The following TRIM24 variants were observed in gnomAD, a reference collection of about 807,000 sequenced individuals.
TRIM24 encodes the protein tripartite motif containing 24.
A neutral mutation model predicts 123.9 loss-of-function variants in TRIM24; 29 were observed. That is an observed-to-expected ratio of 0.23 (90% CI 0.17 to 0.32). TRIM24 has a LOEUF of 0.32. TRIM24 is among the 10% of genes least tolerant of loss of function. The pLI, the probability that TRIM24 is intolerant of heterozygous loss-of-function variation, is 1.00. For synonymous variants in TRIM24, 456 were observed against 461.1 expected (o/e 0.99, Z 0.14); for missense variants, 932 against 1,295.3 (o/e 0.72, Z 4.31).
intron 4 of TRIM24, among the ~76,000 whole-genome samples, chr7:138,524,730 A>C (rs1343819146): frequency 6.6e-6 from 1 of 152,132 alleles, no homozygotes; most frequent in Non-Finnish European, 1.5e-5. Flanking sequence ...AACTTTTTAA[A>C]GTGCTGTATC....
chr7:138,552,821 T>A (rs976813068), intron 8 of TRIM24, among the ~76,000 whole-genome samples: 2 of 152,172 alleles, frequency 1.3e-5, no homozygotes, highest in Admixed American at 1.3e-4. Context: ...TATTACACAC[T>A]CATTTTACCA....
intron 1 of TRIM24, among the ~76,000 whole-genome samples, chr7:138,476,736 T>A (rs1795410450): frequency 6.6e-6 from 1 of 152,182 alleles, no homozygotes; most frequent in South Asian, 2.1e-4. Flanking sequence ...GAAGGGAATT[T>A]GGTAATATCT....
chr7:138,542,336 T>C (rs1797021387), intron 7 of TRIM24, among the ~76,000 whole-genome samples: 1 of 152,206 alleles, frequency 6.6e-6, no homozygotes, highest in South Asian at 2.1e-4. Context: ...TGTAGGGTTA[T>C]TAAATTGTTG....
In TRIM24 at chr7:138,551,073, G is replaced by T; in HGVS notation, c.1154G>T (p.Arg385Leu). 1 of 1,613,134 alleles carries T rather than the reference G, an allele frequency of 6.2e-7. No homozygotes were observed. ...LLYSKRLITY[R>L]LRHLLRARCD... Reference sequence around the variant, plus strand: ...TCCTTTTTCTTCTAGATTACATACCGGTTACGGCACCTCCTTCGTGCAAGG... The same window carrying T: ...TCCTTTTTCTTCTAGATTACATACCTGTTACGGCACCTCCTTCGTGCAAGG... Residue 385 changes from arginine (R) to leucine (L), a missense_variant, in exon 8 of 19, where the codon CGG becomes CTG. By Grantham distance (102) the Arg-to-Leu change is moderately radical (BLOSUM62 -2). Coordinates refer to ENST00000343526, the MANE Select transcript of TRIM24 (RefSeq NM_015905.3).
chr7:138,483,495 C>A (rs1795576487), intron 1 of TRIM24, among the ~76,000 whole-genome samples: 1 of 152,156 alleles, frequency 6.6e-6, no homozygotes, highest in Non-Finnish European at 1.5e-5. Flanking sequence ...AACATTACAC[C>A]ATTAAATAGG....
chr7:138,479,045 A>G (rs1795468188), intron 1 of TRIM24, among the ~76,000 whole-genome samples: 1 of 152,146 alleles, frequency 6.6e-6, no homozygotes, highest in Admixed American at 6.5e-5. Flanking sequence ...TCCTTTCTAC[A>G]TCTCAGAAAT....
chr7:138,570,682 T>A (rs1363530994), intron 10 of TRIM24, 148 bp from the exon 11 acceptor site: 3 of 550,338 alleles, frequency 5.5e-6, no homozygotes, highest in Non-Finnish European at 5.8e-6. Context: ...GAAAATTATA[T>A]ATACTTGTGC....
chr7:138,582,020 A>G (rs77344864), intron 17 of TRIM24, among the ~76,000 whole-genome samples: 2,772 of 152,102 alleles, frequency 0.018, 70 homozygotes, highest in African/African-American at 0.061. Context: ...TGGGATGTTT[A>G]GGGTGATTTC....
chr7:138,583,592 C>G (rs928115426), intron 17 of TRIM24, among the ~76,000 whole-genome samples: 4 of 152,166 alleles, frequency 2.6e-5, no homozygotes, highest in Non-Finnish European at 5.9e-5. Context: ...TGCACTCCAG[C>G]CTGGGTGACA....
intron 6 of TRIM24, among the ~76,000 whole-genome samples, chr7:138,536,944 C>A (rs1218714555): frequency 6.6e-6 from 1 of 152,214 alleles, no homozygotes; most frequent in Non-Finnish European, 1.5e-5. Context: ...CTCGCTGCCG[C>A]CTTGCAGTTC....
At chr7:138,562,377 T>TG (rs1409720256) in intron 9 of TRIM24, among the ~76,000 whole-genome samples, 1 of 152,140 alleles carries the variant, frequency 6.6e-6, no homozygotes, top group Non-Finnish European at 1.5e-5. Context: ...AGGCAGCACT[T>TG]GCTGGAATAA....
rs577317171 is a variant in TRIM24, at chr7:138,466,463, CTTTTTTT to C, written c.364+5563_364+5569del. Reference sequence around the variant, plus strand: ...TTTGCAAATTTCAAAACTTAAGTTGCTTTTTTTTTTTTTTTTTTGGAGACAGCATCTC... The same window carrying C: ...TTTGCAAATTTCAAAACTTAAGTTGCTTTTTTTTTTTGGAGACAGCATCTC... On this transcript the variant is annotated intron_variant, in intron 1 of 18. Transcript: ENST00000343526. Among the ~76,000 whole-genome samples the C allele has an allele frequency of 3.5e-4, 26 of 74,060 alleles. No individual in the cohort carries two copies. In the East Asian group the frequency reaches 8.4e-3, roughly 24 times the overall value. The allele number at this position is 74,060 out of a possible 152,430, so 48.6% of individuals were successfully genotyped here.
At chr7:138,543,781 C>T (rs1027813393) in intron 7 of TRIM24, among the ~76,000 whole-genome samples, 4 of 152,084 alleles carry the variant, frequency 2.6e-5, no homozygotes, top group East Asian at 1.9e-4. Flanking sequence ...TTTTGATATA[C>T]ATAACAGTGT....
At chr7:138,530,130 T>C (rs1796698735) in intron 6 of TRIM24, among the ~76,000 whole-genome samples, 1 of 152,142 alleles carries the variant, frequency 6.6e-6, no homozygotes. Flanking sequence ...AATAATTCTC[T>C]GTTCTTTTGG....
At chr7:138,551,492 G>T (rs1019434411) in intron 8 of TRIM24, among the ~76,000 whole-genome samples, 1 of 152,048 alleles carries the variant, frequency 6.6e-6, no homozygotes. Flanking sequence ...CTTTGAAAAC[G>T]TTTTCATTAT....
intron 1 of TRIM24, among the ~76,000 whole-genome samples, chr7:138,479,374 T>C (rs944742568): frequency 7.3e-5 from 11 of 151,608 alleles, no homozygotes; most frequent in Non-Finnish European, 1.3e-4. Context: ...CTTTTTTTTT[T>C]CTTCTTCTTC....
At chr7:138,583,816 C>CTGTT (rs1797955944) in intron 17 of TRIM24, 34 bp from the exon 18 acceptor site, 2 of 1,392,012 alleles carry the variant, frequency 1.4e-6, no homozygotes, top group South Asian at 1.3e-5. Flanking sequence ...TGGAATTTAG[C>CTGTT]TATTTGTATT....
chr7:138,531,354 C>G (rs1796739683), intron 6 of TRIM24, among the ~76,000 whole-genome samples: 1 of 147,738 alleles, frequency 6.8e-6, no homozygotes, highest in Non-Finnish European at 1.5e-5. Context: ...TCTCCCAATG[C>G]TATCCCTCCC....
intron 5 of TRIM24, among the ~76,000 whole-genome samples, chr7:138,527,782 T>C (rs1465380179): frequency 1.3e-5 from 2 of 152,162 alleles, no homozygotes; most frequent in Admixed American, 6.5e-5. Context: ...AGAGTGTTGC[T>C]GGAATCAGGA....
Sources: allele counts gnomAD v4.1 joint callset (sites outside exome capture counted in the v4.1 genomes callset), GRCh38; gene constraint gnomAD v4.1.1; transcripts MANE v1.5; gene names NCBI Gene and HGNC (gene_info 2026-07-23, HGNC 2026-07-21).